The following ZBTB20 variants were observed in gnomAD, a reference collection of about 807,000 sequenced individuals.
ZBTB20 encodes the protein zinc finger and BTB domain-containing protein 20.
A neutral mutation model predicts 56.9 loss-of-function variants in ZBTB20; 9 were observed. That is an observed-to-expected ratio of 0.16 (90% CI 0.10 to 0.28). The LOEUF is 0.28. ZBTB20 is among the 10% of genes least tolerant of loss of function. The probability of loss-of-function intolerance (pLI) is 1.00; values close to 1 mark genes in which losing one functional copy is unlikely to be tolerated. For missense variants in ZBTB20, 655 were observed against 1,003.0 expected, an observed-to-expected ratio of 0.65 and a Z score of 4.69; for synonymous variants, 417 against 420.7, an observed-to-expected ratio of 0.99 and a Z score of 0.11.
intron 6 of ZBTB20, among the ~76,000 whole-genome samples, chr3:114,510,161 A>G (rs1423632707): frequency 6.6e-6 from 1 of 152,188 alleles, no homozygotes; most frequent in African/African-American, 2.4e-5. Context: ...GAAAGACATG[A>G]TTTTAAAAAG....
chr3:114,615,813 T>C (rs2057898545), intron 6 of ZBTB20, among the ~76,000 whole-genome samples: 1 of 152,168 alleles, frequency 6.6e-6, no homozygotes, highest in African/African-American at 2.4e-5. Flanking sequence ...AGGTGGCGAT[T>C]AGGACTAGGC....
In ZBTB20 at chr3:115,087,806, C is replaced by A. The variant is rs534835580; in HGVS notation, c.-702-16392G>T. 1.1e-4 allele frequency among the ~76,000 whole-genome samples: 16 copies of A among 152,052 alleles called. No individual in the cohort carries two copies. In the East Asian group the frequency reaches 2.5e-3, roughly 24 times the overall value. On this transcript the variant is annotated intron_variant, in intron 1 of 11. Coordinates refer to ENST00000675478, the MANE Select transcript of ZBTB20 (RefSeq NM_001348800.3). ...TTTAAAAATTATTTCCTGGACAAAA[C>A]CTCACCCACATGCCATCAGTTATTT...
intron 1 of ZBTB20, among the ~76,000 whole-genome samples, chr3:115,096,770 A>G (rs1238057626): frequency 6.6e-6 from 1 of 152,244 alleles, no homozygotes. Flanking sequence ...GATAATTTCT[A>G]TATTTATAGA....
intron 5 of ZBTB20, among the ~76,000 whole-genome samples, chr3:114,707,240 A>T (rs1172879856): frequency 6.6e-6 from 1 of 152,158 alleles, no homozygotes; most frequent in Non-Finnish European, 1.5e-5. Flanking sequence ...ATTCGGAAGG[A>T]CTATTTGGAA....
rs551311422 is a variant in ZBTB20 at position 114,441,305 on chromosome 3, T to C, written c.-254-52200A>G. Among the ~76,000 whole-genome samples, 9 of 152,322 alleles carry C rather than the reference T, an allele frequency of 5.9e-5. No homozygotes were observed. The South Asian group carries it at 6.2e-4, about 11-fold the overall frequency. ...CGGCTCATTTAGAATGTAACATTGCTGACAAATTAGTTATTCATGCTGTTT... is the reference window on the plus strand; with the variant it reads ...CGGCTCATTTAGAATGTAACATTGCCGACAAATTAGTTATTCATGCTGTTT... On this transcript the variant is annotated intron_variant, in intron 7 of 11. Transcript: ENST00000675478.
Position 114,474,200 on chromosome 3 carries a change from G to T in ZBTB20, c.-255+26152C>A, listed in dbSNP as rs569359071. Among the ~76,000 whole-genome samples, 48 of 152,334 alleles carry T rather than the reference G, an allele frequency of 3.2e-4. No homozygotes were observed. In the South Asian group the frequency reaches 5.8e-3, roughly 18 times the overall value. On this transcript the variant is annotated intron_variant, in intron 7 of 11. Transcript: ENST00000675478. ...TTGTGGGAGATACAATTCAAGAGGA[G>T]GTTTGGGTGGGGGTACAGCCAAACC...
chr3:115,114,179 T>G (rs2083958040), intron 1 of ZBTB20, among the ~76,000 whole-genome samples: 1 of 152,156 alleles, frequency 6.6e-6, no homozygotes, highest in Non-Finnish European at 1.5e-5. Context: ...CTGAAAAACA[T>G]TAAAACAAAA....
chr3:115,042,921 T>G (rs2081196845), intron 2 of ZBTB20, among the ~76,000 whole-genome samples: 1 of 152,220 alleles, frequency 6.6e-6, no homozygotes, highest in Non-Finnish European at 1.5e-5. Context: ...GACTAATATC[T>G]TTGATCATAA....
At chr3:114,490,634 G>C (rs1165018402) in intron 7 of ZBTB20, among the ~76,000 whole-genome samples, 1 of 152,088 alleles carries the variant, frequency 6.6e-6, no homozygotes. Context: ...TGTAGTGTTA[G>C]ATGCCAGCTC....
chr3:115,108,465 G>T (rs926185440), intron 1 of ZBTB20, among the ~76,000 whole-genome samples: 2 of 152,148 alleles, frequency 1.3e-5, no homozygotes, highest in Admixed American at 6.5e-5. Context: ...GGAAGAAGAG[G>T]AGTAGTGGGA....
chr3:114,424,819 A>G (rs191646248), intron 7 of ZBTB20, among the ~76,000 whole-genome samples: 7 of 152,170 alleles, frequency 4.6e-5, no homozygotes, highest in African/African-American at 1.7e-4. Context: ...GTACCATGGC[A>G]TTGACCAAGT....
At chr3:114,867,921 C>G (rs1174483396) in intron 4 of ZBTB20, among the ~76,000 whole-genome samples, 1 of 152,146 alleles carries the variant, frequency 6.6e-6, no homozygotes, top group Non-Finnish European at 1.5e-5. Context: ...ATTACCCCAG[C>G]TCAACACCTG....
At position 114,333,109 on chromosome 3, in the gene ZBTB20, T is replaced by C. The variant is rs1332009498; in HGVS notation, c.*5896A>G. ...ATCTTCAGAGACTTAGAAAACTCTT[T>C]GCAATATTTTGGTCAGGCTGATCGT... is the stretch of plus-strand genomic sequence containing the variant. On this transcript the variant is annotated 3_prime_UTR_variant, in exon 12 of 12. Coordinates refer to ENST00000675478, the MANE Select transcript of ZBTB20 (RefSeq NM_001348800.3). 3 of 152,314 alleles carry C rather than the reference T, an allele frequency of 2.0e-5. No individual in the cohort carries two copies. The East Asian group carries it at 5.8e-4, about 29-fold the overall frequency. 9.4% of individuals were successfully genotyped at this position (152,314 alleles called of 1,614,324 possible).
At chr3:114,924,228 A>G (rs2076067630) in intron 3 of ZBTB20, among the ~76,000 whole-genome samples, 1 of 152,238 alleles carries the variant, frequency 6.6e-6, no homozygotes, top group Admixed American at 6.5e-5. Flanking sequence ...AAATGAAATC[A>G]GTATCTTTAA....
intron 6 of ZBTB20, among the ~76,000 whole-genome samples, chr3:114,587,858 T>C (rs1412843304): frequency 6.6e-6 from 1 of 152,220 alleles, no homozygotes; most frequent in African/African-American, 2.4e-5. Context: ...GCTCTATCTG[T>C]ATTGCCATCC....
At chr3:114,767,251 T>C (rs2068849155) in intron 5 of ZBTB20, among the ~76,000 whole-genome samples, 1 of 152,080 alleles carries the variant, frequency 6.6e-6, no homozygotes, top group Admixed American at 6.6e-5. Flanking sequence ...AGGTTTTGCA[T>C]AGATACTACC....
chr3:114,973,018 T>C (rs1459212854), intron 3 of ZBTB20, among the ~76,000 whole-genome samples: 1 of 152,226 alleles, frequency 6.6e-6, no homozygotes, highest in Admixed American at 6.5e-5. Context: ...AGTATATTTC[T>C]AACTTTAATA....
At chr3:114,588,965 G>C (rs1434084483) in intron 6 of ZBTB20, among the ~76,000 whole-genome samples, 1 of 152,110 alleles carries the variant, frequency 6.6e-6, no homozygotes, top group Admixed American at 6.5e-5. Flanking sequence ...ACAGGAGAGA[G>C]AATGAGTGCT....
intron 4 of ZBTB20, among the ~76,000 whole-genome samples, chr3:114,804,488 G>C (rs572989901): frequency 6.6e-6 from 1 of 151,932 alleles, no homozygotes; most frequent in Non-Finnish European, 1.5e-5. Flanking sequence ...TTGCTTTTGA[G>C]AGTTCACTCA....
Sources: allele counts gnomAD v4.1 joint callset (sites outside exome capture counted in the v4.1 genomes callset), GRCh38; gene constraint gnomAD v4.1.1; transcripts MANE v1.5; gene names NCBI Gene and HGNC (gene_info 2026-07-23, HGNC 2026-07-21).